The following COL22A1 variants were observed in gnomAD, a reference collection of about 807,000 sequenced individuals.
The protein encoded by COL22A1 is collagen type XXII alpha 1 chain.
Under a neutral mutation model 248.9 loss-of-function variants are expected in COL22A1, and 221 were observed. That is an observed-to-expected ratio of 0.89 (90% CI 0.80 to 0.99). The LOEUF (loss-of-function observed/expected upper bound fraction) is 0.99. COL22A1 is among the 50% of genes least tolerant of loss of function. COL22A1 has a pLI of 0.00. For synonymous variants in COL22A1, 891 were observed against 793.4 expected (o/e 1.12, Z -2.07); for missense variants, 2,240 against 2,179.0 (o/e 1.03, Z -0.56).
chr8:138,653,652 C>T (rs1283199686), intron 45 of COL22A1, among the ~76,000 whole-genome samples: 3 of 152,174 alleles, frequency 2.0e-5, no homozygotes, highest in Non-Finnish European at 4.4e-5. Flanking sequence ...ACTCTTAGAA[C>T]TTACTACCCA....
intron 2 of COL22A1, among the ~76,000 whole-genome samples, chr8:138,878,704 CAA>C (rs1186354605): frequency 2.0e-5 from 3 of 152,184 alleles, no homozygotes; most frequent in Non-Finnish European, 4.4e-5. Context: ...AAAATGCAAT[CAA>C]AAGATGTTTA....
At chr8:138,869,075 T>C (rs567192240) in intron 3 of COL22A1, among the ~76,000 whole-genome samples, 1 of 152,230 alleles carries the variant, frequency 6.6e-6, no homozygotes, top group South Asian at 2.1e-4. Flanking sequence ...AGAGAAAGGT[T>C]ACATAACTGT....
chr8:138,660,911 CACAGACACACACACAG>C (rs1564158412), intron 43 of COL22A1, among the ~76,000 whole-genome samples: 78 of 146,634 alleles, frequency 5.3e-4, no homozygotes, highest in African/African-American at 1.9e-3. Context: ...CACACACATA[CACAGACACACACACAG>C]ACACACAGAC....
chr8:138,692,576 C>A (rs553612541), intron 35 of COL22A1, among the ~76,000 whole-genome samples: 1 of 151,630 alleles, frequency 6.6e-6, no homozygotes, highest in South Asian at 2.1e-4. Context: ...GGGCAATGAT[C>A]CATGACAGGA....
chr8:138,880,081 A>G (rs1245231108), intron 2 of COL22A1, among the ~76,000 whole-genome samples: 1 of 152,262 alleles, frequency 6.6e-6, no homozygotes, highest in East Asian at 1.9e-4. Context: ...ATAAATGGAA[A>G]AGAAAAAGAT....
chr8:138,866,453 T>C (rs1208627095), intron 3 of COL22A1, among the ~76,000 whole-genome samples: 1 of 152,214 alleles, frequency 6.6e-6, no homozygotes, highest in African/African-American at 2.4e-5. Context: ...CTTATAGAGA[T>C]TGTCTATGTT....
In COL22A1 at chr8:138,616,951, T is replaced by C; in HGVS notation, c.3833A>G (p.Lys1278Arg). The C allele has an allele frequency of 1.9e-6, 3 of 1,614,182 alleles. No homozygotes were observed. Among genetic ancestry groups the C allele is most frequent in the Non-Finnish European group, 2.5e-6 (3 of 1,180,036 alleles). The change falls in exon 54 of 65, where the codon AAG becomes AGG. Residue 1278 changes from lysine (K) to arginine (R), a missense_variant. Transcript: ENST00000303045. Reference protein sequence around the residue: ...PEGARGPPGFKGHTGDSGAPG... With the variant: ...PEGARGPPGFRGHTGDSGAPG... ...TGCACCAGAATCGCCTGTGTGTCCC[T>C]TGAAGCCCTAGAAGGAAGAGAATGG...
chr8:138,885,757 T>A (rs958163098), intron 1 of COL22A1, among the ~76,000 whole-genome samples: 3 of 152,076 alleles, frequency 2.0e-5, no homozygotes, highest in Non-Finnish European at 4.4e-5. Flanking sequence ...GAGATGAGGT[T>A]ACTCCATGTT....
At chr8:138,877,323 C>CTA (rs1165987429) in intron 3 of COL22A1, among the ~76,000 whole-genome samples, 2 of 152,314 alleles carry the variant, frequency 1.3e-5, no homozygotes, top group South Asian at 2.1e-4. Flanking sequence ...GGAGACCCTG[C>CTA]TATACCCAAT....
At chr8:138,667,571 T>C (rs1025589701) in intron 41 of COL22A1, among the ~76,000 whole-genome samples, 6 of 152,340 alleles carry the variant, frequency 3.9e-5, no homozygotes, top group East Asian at 3.9e-4. Context: ...TTTTGCAAGA[T>C]GCTAGGGAAC....
intron 2 of COL22A1, among the ~76,000 whole-genome samples, chr8:138,879,867 C>T (rs1824054149): frequency 8.7e-6 from 1 of 115,438 alleles, no homozygotes. Flanking sequence ...CAAAAAAACA[C>T]TTTGTTGAAA....
At position 138,589,322 on chromosome 8, in the gene COL22A1, T is replaced by C; in HGVS notation, c.4812A>G (p.Gln1604=). The change falls in exon 65 of 65, where the codon CAA becomes CAG. Residue 1604 remains glutamine (Q), a synonymous_variant. Coordinates refer to ENST00000303045, the MANE Select transcript of COL22A1 (RefSeq NM_152888.3). ...GLPGPPGPPG[Q]CDPSQCAYFA... ...AGTAGGCACACTGGGAAGGGTCACATTGGCCTGGGGGACCGGGAGGTCCTG... is the reference window on the plus strand; with the variant it reads ...AGTAGGCACACTGGGAAGGGTCACACTGGCCTGGGGGACCGGGAGGTCCTG... The C allele has an allele frequency of 6.2e-7, 1 of 1,613,486 alleles. No individual in the cohort carries two copies. The highest frequency in any genetic ancestry group is 8.5e-7 in the Non-Finnish European group (1 of 1,179,708).
At chr8:138,761,988 T>TTC (rs1158031121) in intron 17 of COL22A1, among the ~76,000 whole-genome samples, 1 of 152,188 alleles carries the variant, frequency 6.6e-6, no homozygotes, top group African/African-American at 2.4e-5. Context: ...CCAGAGTTTC[T>TTC]TCATGAATGT....
intron 1 of COL22A1, among the ~76,000 whole-genome samples, chr8:138,902,298 G>C (rs1297165814): frequency 6.6e-6 from 1 of 152,200 alleles, no homozygotes; most frequent in Non-Finnish European, 1.5e-5. Flanking sequence ...AAAAGAGAGA[G>C]GAACAGAGAA....
At chr8:138,817,292 T>C (rs1340603335) in intron 7 of COL22A1, among the ~76,000 whole-genome samples, 1 of 152,194 alleles carries the variant, frequency 6.6e-6, no homozygotes, top group Non-Finnish European at 1.5e-5. Flanking sequence ...GTTGGGGAAC[T>C]CTGGAGCCCG....
At chr8:138,666,462 A>T (rs1040708687) in intron 41 of COL22A1, among the ~76,000 whole-genome samples, 1 of 152,226 alleles carries the variant, frequency 6.6e-6, no homozygotes, top group African/African-American at 2.4e-5. Flanking sequence ...GCTAAAAACC[A>T]TTAAATAGCT....
intron 50 of COL22A1, among the ~76,000 whole-genome samples, chr8:138,626,776 C>G (rs1587706812): frequency 6.6e-6 from 1 of 152,166 alleles, no homozygotes; most frequent in Non-Finnish European, 1.5e-5. Flanking sequence ...GCTTTACTAT[C>G]TCTTTCCTTG....
intron 47 of COL22A1, among the ~76,000 whole-genome samples, chr8:138,639,842 C>T (rs1458542749): frequency 2.0e-5 from 3 of 152,208 alleles, no homozygotes; most frequent in African/African-American, 4.8e-5. Flanking sequence ...AGCCCAACTT[C>T]AGCAGATGCC....
chr8:138,806,822 T>C (rs889255265), intron 10 of COL22A1, among the ~76,000 whole-genome samples: 2 of 152,150 alleles, frequency 1.3e-5, no homozygotes, highest in Non-Finnish European at 2.9e-5. Context: ...TCATTGTCAC[T>C]GCAATTCAGT....
Sources: allele counts gnomAD v4.1 joint callset (sites outside exome capture counted in the v4.1 genomes callset), GRCh38; gene constraint gnomAD v4.1.1; transcripts MANE v1.5; gene names NCBI Gene and HGNC (gene_info 2026-07-23, HGNC 2026-07-21).